The following CCDC7 variants were observed in gnomAD, a reference collection of about 807,000 sequenced individuals.
CCDC7 encodes coiled-coil domain containing 7.
Under a neutral mutation model 196.9 loss-of-function variants are expected in CCDC7, and 183 were observed. The observed-to-expected ratio is 0.93, with a 90% CI of 0.82 to 1.05. The LOEUF (loss-of-function observed/expected upper bound fraction) is 1.05. Among genes scored for constraint, CCDC7 ranks in the 50% least tolerant of loss-of-function variants. CCDC7 has a pLI of 0.00. For synonymous variants in CCDC7, 525 were observed against 484.6 expected, an observed-to-expected ratio of 1.08 and a Z score of -1.10; for missense variants, 1,540 against 1,482.2, an observed-to-expected ratio of 1.04 and a Z score of -0.64.
chr10:32,672,713 C>A (rs184746391), intron 21 of CCDC7, among the ~76,000 whole-genome samples: 1 of 152,152 alleles, frequency 6.6e-6, no homozygotes, highest in African/African-American at 2.4e-5. Context: ...ATAGCCTCCA[C>A]CTTTCTTCTT....
intron 9 of CCDC7, among the ~76,000 whole-genome samples, chr10:32,502,128 G>GAGA (rs1362068019): frequency 3.9e-5 from 6 of 152,208 alleles, no homozygotes; most frequent in Admixed American, 2.6e-4. Context: ...TGCTAGCAGA[G>GAGA]ATAATTTCAA....
At chr10:32,483,106 G>C (rs2040302309) in intron 8 of CCDC7, among the ~76,000 whole-genome samples, 1 of 152,166 alleles carries the variant, frequency 6.6e-6, no homozygotes, top group Non-Finnish European at 1.5e-5. Flanking sequence ...CTAGTTTACA[G>C]TCCCACCAAC....
At chr10:32,821,648 C>T (rs529284032) in intron 31 of CCDC7, among the ~76,000 whole-genome samples, 3 of 152,158 alleles carry the variant, frequency 2.0e-5, no homozygotes, top group Non-Finnish European at 4.4e-5. Flanking sequence ...AGGATGAGCT[C>T]ATGTCCTTTG....
In CCDC7 at chr10:32,708,937, G is replaced by A. The variant is rs553241777; in HGVS notation, c.2459-2683G>A. On this transcript the variant is annotated intron_variant, in intron 24 of 41. Coordinates refer to ENST00000639629, the Ensembl canonical transcript of CCDC7. ...CCAATTCCTCAAGCATCTAGAACTA[G>A]AAATACCATTTGACCCAGCACTCCC... Among the ~76,000 whole-genome samples, 3 of 152,298 alleles carry A rather than the reference G, an allele frequency of 2.0e-5. No homozygotes were observed. The South Asian group carries it at 6.2e-4, about 32-fold the overall frequency.
intron 28 of CCDC7, among the ~76,000 whole-genome samples, chr10:32,759,081 A>G (rs941990199): frequency 3.9e-5 from 6 of 152,228 alleles, no homozygotes; most frequent in Admixed American, 2.0e-4. Context: ...CCACTGCTCA[A>G]TGAAATAAAA....
rs575239544 is a variant in CCDC7, at chr10:32,794,658, G to A, written c.3014-10357G>A. Among the ~76,000 whole-genome samples the A allele has an allele frequency of 2.0e-5, 3 of 152,012 alleles. No individual in the cohort carries two copies. The South Asian group carries it at 6.2e-4, about 32-fold the overall frequency. ...ATATGTTATCTCATGGCTTTGATTTGTATCTCTCTAATATTAGTGATAATG... is the reference window on the plus strand; with the variant it reads ...ATATGTTATCTCATGGCTTTGATTTATATCTCTCTAATATTAGTGATAATG... On this transcript the variant is annotated intron_variant, in intron 29 of 41. Coordinates refer to ENST00000639629, the Ensembl canonical transcript of CCDC7.
chr10:32,585,984 CCCA>C (rs1442061235), intron 18 of CCDC7, among the ~76,000 whole-genome samples: 1 of 152,190 alleles, frequency 6.6e-6, no homozygotes, highest in Non-Finnish European at 1.5e-5. Context: ...AGTTTACACT[CCCA>C]CCAACAGTGT....
intron 16 of CCDC7, among the ~76,000 whole-genome samples, chr10:32,582,106 C>CTATATATATATATACATA (rs1554868737): frequency 9.6e-6 from 1 of 103,750 alleles, no homozygotes; most frequent in African/African-American, 3.2e-5. Context: ...ACTGTCAGCA[C>CTATATATATATATACATA]TATATATATA....
chr10:32,714,885 G>A (rs2081354448), intron 25 of CCDC7, among the ~76,000 whole-genome samples: 1 of 152,196 alleles, frequency 6.6e-6, no homozygotes, highest in African/African-American at 2.4e-5. Flanking sequence ...TGAAAGAAAG[G>A]CAGTAGCCCC....
rs779341941 is a variant in CCDC7 at position 32,633,696 on chromosome 10, A to ATATATATATG, written c.1802-557_1802-556insATATATATGT. ...TTTAGCTTTGTGTATATATATATATATGTGTGTGTGTGTGTGTGTGTGTGT... is the reference window on the plus strand; with the variant it reads ...TTTAGCTTTGTGTATATATATATATATATATATATGTGTGTGTGTGTGTGTGTGTGTGTGT... On this transcript the variant is annotated intron_variant, in intron 18 of 41. Coordinates refer to ENST00000639629, the Ensembl canonical transcript of CCDC7. Among the ~76,000 whole-genome samples the ATATATATATG allele has an allele frequency of 1.3e-3, 170 of 135,230 alleles. 2 individuals carry two copies. The South Asian group carries it at 0.013, about 10-fold the overall frequency. 88.7% of individuals were successfully genotyped at this position (135,230 alleles called of 152,430 possible). A position where few individuals can be genotyped will look rare whatever the true frequency, so the allele number is the denominator to read the frequency against.
chr10:32,751,888 G>A (rs2075717476), intron 28 of CCDC7, among the ~76,000 whole-genome samples: 1 of 152,098 alleles, frequency 6.6e-6, no homozygotes, highest in South Asian at 2.1e-4. Context: ...CACAATATTG[G>A]TAGAAGTTCT....
intron 23 of CCDC7, among the ~76,000 whole-genome samples, chr10:32,693,035 A>G (rs550548612): frequency 6.6e-6 from 1 of 152,292 alleles, no homozygotes; most frequent in African/African-American, 2.4e-5. Context: ...ACAACAACTA[A>G]AAAGATTTCA....
At chr10:32,500,077 C>T (rs574712903) in intron 9 of CCDC7, among the ~76,000 whole-genome samples, 29 of 152,348 alleles carry the variant, frequency 1.9e-4, no homozygotes, top group South Asian at 4.1e-4. Flanking sequence ...TCAACAAAAC[C>T]GCCACTGTCA....
intron 16 of CCDC7, among the ~76,000 whole-genome samples, chr10:32,577,363 A>C (rs1323308385): frequency 6.6e-6 from 1 of 152,128 alleles, no homozygotes; most frequent in Non-Finnish European, 1.5e-5. Flanking sequence ...AATAAAATAA[A>C]ATAAAATAAA....
upstream of CCDC7, among the ~76,000 whole-genome samples, chr10:32,449,617 G>A (rs74940367): frequency 8.2e-3 from 1,253 of 152,230 alleles, 8 homozygotes; most frequent in Non-Finnish European, 0.014. Context: ...CCAGTTCTCA[G>A]CCTGTGTTCC....
At chr10:32,484,687 A>G (rs991725154) in intron 8 of CCDC7, among the ~76,000 whole-genome samples, 4 of 152,146 alleles carry the variant, frequency 2.6e-5, no homozygotes, top group African/African-American at 9.7e-5. Context: ...TACCTAGTTT[A>G]TTGAGAGTTT....
chr10:32,825,876 C>G (rs2091036735), intron 32 of CCDC7, among the ~76,000 whole-genome samples: 1 of 152,100 alleles, frequency 6.6e-6, no homozygotes, highest in South Asian at 2.1e-4. Flanking sequence ...AAGAATGGGA[C>G]CCTGCAACTT....
intron 29 of CCDC7, among the ~76,000 whole-genome samples, chr10:32,783,306 A>C (rs1027200418): frequency 2.0e-5 from 3 of 152,200 alleles, no homozygotes; most frequent in African/African-American, 7.2e-5. Flanking sequence ...AAGTTTTATA[A>C]ATTAACAAAA....
chr10:32,547,147 ATC>A (rs1321110030), intron 13 of CCDC7, among the ~76,000 whole-genome samples: 6 of 152,072 alleles, frequency 3.9e-5, no homozygotes, highest in African/African-American at 1.4e-4. Context: ...CCTCCCAGGT[ATC>A]TAGGACTACA....
Sources: allele counts gnomAD v4.1 joint callset (sites outside exome capture counted in the v4.1 genomes callset), GRCh38; gene constraint gnomAD v4.1.1; transcripts MANE v1.5; gene names NCBI Gene and HGNC (gene_info 2026-07-23, HGNC 2026-07-21).